WWOX: variants seen among roughly 807,000 people sequenced by gnomAD.
WWOX encodes WW domain containing oxidoreductase, also known as WW domain-containing oxidoreductase.
Under a neutral mutation model 46.2 loss-of-function variants are expected in WWOX, and 69 were observed. The ratio of observed to expected loss-of-function variants is 1.49; its 90% CI spans 1.23 to 1.82. The LOEUF is 1.82. Among genes scored for constraint, WWOX ranks in the 40% most tolerant of loss-of-function variants. WWOX has a pLI of 0.00. For missense variants in WWOX, 919 were observed against 542.6 expected, an observed-to-expected ratio of 1.69 and a Z score of -6.89; for synonymous variants, 359 against 202.6, an observed-to-expected ratio of 1.77 and a Z score of -6.56.
chr16:78,901,808 C>T (rs1442318205), intron 8 of WWOX, among the ~76,000 whole-genome samples: 1 of 152,198 alleles, frequency 6.6e-6, no homozygotes. Context: ...GTGTTCTAAA[C>T]ACTGGTGTAC....
intron 8 of WWOX, among the ~76,000 whole-genome samples, chr16:78,772,819 G>A (rs1004128942): frequency 1.3e-5 from 2 of 152,092 alleles, no homozygotes; most frequent in African/African-American, 4.8e-5. Context: ...AGAAGTTTGA[G>A]ACCAGCCTGG....
chr16:79,009,434 C>A (rs1421060033), intron 8 of WWOX, among the ~76,000 whole-genome samples: 1 of 151,596 alleles, frequency 6.6e-6, no homozygotes, highest in Non-Finnish European at 1.5e-5. Flanking sequence ...AAAGGAGACA[C>A]TGGGGCTTCT....
intron 5 of WWOX, among the ~76,000 whole-genome samples, chr16:78,318,750 C>A (rs1286397330): frequency 1.3e-5 from 2 of 152,034 alleles, no homozygotes; most frequent in African/African-American, 4.8e-5. Flanking sequence ...TAACACTATT[C>A]TGATATAGGA....
At chr16:79,058,132 A>AC (rs2048298398) in intron 8 of WWOX, among the ~76,000 whole-genome samples, 24 of 49,358 alleles carry the variant, frequency 4.9e-4, no homozygotes, top group South Asian at 1.5e-3. Context: ...AAACAAACAA[A>AC]AAAAAAAAAC....
At chr16:79,186,443 C>T (rs1487876913) in intron 8 of WWOX, among the ~76,000 whole-genome samples, 1 of 152,166 alleles carries the variant, frequency 6.6e-6, no homozygotes, top group Non-Finnish European at 1.5e-5. Context: ...CTGCGTCTGT[C>T]CTCCCACGGC....
intron 5 of WWOX, among the ~76,000 whole-genome samples, chr16:78,363,763 A>G (rs1239031097): frequency 6.6e-6 from 1 of 152,198 alleles, no homozygotes; most frequent in African/African-American, 2.4e-5. Context: ...TGTTAGCAAC[A>G]TCATGAGCTC....
chr16:78,480,360 A>G (rs1022741328), intron 8 of WWOX, among the ~76,000 whole-genome samples: 4 of 152,350 alleles, frequency 2.6e-5, no homozygotes, highest in South Asian at 2.1e-4. Flanking sequence ...GAAACATTAT[A>G]ACTTCTGTTT....
chr16:78,989,073 T>C (rs1265847984), intron 8 of WWOX, among the ~76,000 whole-genome samples: 1 of 152,184 alleles, frequency 6.6e-6, no homozygotes, highest in Non-Finnish European at 1.5e-5. Flanking sequence ...CTTGTAGAGC[T>C]TTGGGACTAA....
intron 8 of WWOX, among the ~76,000 whole-genome samples, chr16:78,445,110 C>A (rs1332364696): frequency 6.6e-6 from 1 of 152,180 alleles, no homozygotes; most frequent in East Asian, 1.9e-4. Flanking sequence ...GGACGTACCA[C>A]CTCGTGGGGT....
At chr16:79,166,674 C>A (rs1324400321) in intron 8 of WWOX, among the ~76,000 whole-genome samples, 1 of 152,156 alleles carries the variant, frequency 6.6e-6, no homozygotes, top group Non-Finnish European at 1.5e-5. Flanking sequence ...AATGAGCTAA[C>A]CAAGGCACAT....
intron 8 of WWOX, among the ~76,000 whole-genome samples, chr16:78,589,713 C>T (rs915426387): frequency 3.9e-5 from 6 of 152,170 alleles, no homozygotes; most frequent in African/African-American, 1.2e-4. Flanking sequence ...GAAGGTAAAA[C>T]TGTAGCTTAC....
At chr16:78,741,219 A>C (rs2049218516) in intron 8 of WWOX, among the ~76,000 whole-genome samples, 1 of 152,232 alleles carries the variant, frequency 6.6e-6, no homozygotes, top group African/African-American at 2.4e-5. Flanking sequence ...ATCCTGTAAC[A>C]GAAAGCATTT....
At chr16:79,203,168 A>C (rs1427340738) in intron 8 of WWOX, 2 of 152,228 alleles carry the variant, frequency 1.3e-5, no homozygotes, top group African/African-American at 2.4e-5. Context: ...ACCACTGTGA[A>C]GAGATCTCTC....
At chr16:79,059,389 G>C (rs1215280580) in intron 8 of WWOX, among the ~76,000 whole-genome samples, 1 of 152,192 alleles carries the variant, frequency 6.6e-6, no homozygotes, top group East Asian at 1.9e-4. Flanking sequence ...ACCAATATGG[G>C]TGTGATCTTG....
intron 1 of WWOX, among the ~76,000 whole-genome samples, chr16:78,102,414 T>C (rs1049211091): frequency 6.6e-6 from 1 of 152,198 alleles, no homozygotes; most frequent in African/African-American, 2.4e-5. Flanking sequence ...TTGGGCTCTG[T>C]TGGCAGAGCC....
chr16:78,551,729 A>T (rs1459140293), intron 8 of WWOX: 1 of 150,460 alleles, frequency 6.6e-6, no homozygotes, highest in East Asian at 2.0e-4. Context: ...CCCATGAAGC[A>T]TCCTGAAAAA....
At chr16:78,654,772 T>C (rs1350511642) in intron 8 of WWOX, among the ~76,000 whole-genome samples, 1 of 152,092 alleles carries the variant, frequency 6.6e-6, no homozygotes, top group African/African-American at 2.4e-5. Flanking sequence ...AATTATTTGA[T>C]TTGACATTGT....
At chr16:79,140,185 T>C (rs999398504) in intron 8 of WWOX, among the ~76,000 whole-genome samples, 10 of 152,182 alleles carry the variant, frequency 6.6e-5, no homozygotes, top group African/African-American at 2.4e-4. Context: ...TCCTAACAAA[T>C]TGACTTACGT....
At chr16:78,761,613 G>T (rs1263718133) in intron 8 of WWOX, among the ~76,000 whole-genome samples, 1 of 151,994 alleles carries the variant, frequency 6.6e-6, no homozygotes, top group Non-Finnish European at 1.5e-5. Flanking sequence ...TTGGTTTGTG[G>T]GGGCGTCTGA....
Sources: gnomAD v4.1 joint callset for allele counts (sites outside exome capture counted in the v4.1 genomes callset) on GRCh38, gnomAD v4.1.1 for gene constraint, MANE v1.5 for transcripts, NCBI Gene and HGNC (gene_info 2026-07-23, HGNC 2026-07-21) for gene names.